Variants in PUS10 observed in about 807,000 individuals in gnomAD.
The protein encoded by PUS10 is tRNA pseudouridine synthase Pus10.
PUS10 carries 59 observed loss-of-function variants against 75.0 expected under a neutral mutation model. That is an observed-to-expected ratio of 0.79 (90% CI 0.64 to 0.98). PUS10 has a LOEUF of 0.98. PUS10 is among the 50% of genes least tolerant of loss of function. The pLI, the probability that PUS10 is intolerant of heterozygous loss-of-function variation, is 0.00. For missense variants in PUS10, 650 were observed against 614.4 expected, an observed-to-expected ratio of 1.06 and a Z score of -0.61; for synonymous variants, 219 against 211.6, an observed-to-expected ratio of 1.03 and a Z score of -0.30.
At position 60,947,701 on chromosome 2, in the gene PUS10, C is replaced by T. The variant is rs568835190; in HGVS notation, c.1451+342G>A. ...AAAATTAGTCAGGCGTGGTGGCAGG[C>T]GCCTGTAGTCCCAGCTACTCGGGAG... On this transcript the variant is annotated intron_variant, in intron 16 of 17. Transcript: ENST00000316752. Among the ~76,000 whole-genome samples the T allele has an allele frequency of 7.6e-4, 116 of 151,732 alleles. 1 individual carries two copies. Among genetic ancestry groups the T allele is most frequent in the Admixed American group, 3.2e-3 (49 of 15,256 alleles).
intron 4 of PUS10, among the ~76,000 whole-genome samples, chr2:61,001,386 C>A (rs1678847932): frequency 6.6e-6 from 1 of 152,050 alleles, no homozygotes; most frequent in African/African-American, 2.4e-5. Context: ...AAATGATTCT[C>A]CTGCCTCAGC....
intron 4 of PUS10, among the ~76,000 whole-genome samples, chr2:60,979,368 G>T (rs1573452939): frequency 6.6e-6 from 1 of 152,084 alleles, no homozygotes; most frequent in South Asian, 2.1e-4. Context: ...GTGCCTCACC[G>T]TGTGTCAGGG....
At chr2:60,977,515 T>G (rs1053904622) in intron 4 of PUS10, among the ~76,000 whole-genome samples, 7 of 152,236 alleles carry the variant, frequency 4.6e-5, no homozygotes, top group Non-Finnish European at 1.5e-5. Context: ...TATTTGAATC[T>G]TCTATAATTC....
intron 3 of PUS10, among the ~76,000 whole-genome samples, chr2:61,007,210 CTTTTGTT>C (rs1679268527): frequency 6.8e-6 from 1 of 146,254 alleles, no homozygotes; most frequent in African/African-American, 2.7e-5. Context: ...GAAGAGTAGG[CTTTTGTT>C]TTTTTTTTTT....
intron 4 of PUS10, among the ~76,000 whole-genome samples, chr2:61,000,119 C>T (rs1157655974): frequency 4.6e-5 from 7 of 152,094 alleles, no homozygotes; most frequent in South Asian, 4.1e-4. Flanking sequence ...ACCCTAATGA[C>T]GTGAAATCTC....
intron 15 of PUS10, 71 bp from the exon 16 acceptor site, chr2:60,948,256 C>A: frequency 6.9e-7 from 1 of 1,455,564 alleles, no homozygotes; most frequent in Non-Finnish European, 9.6e-7. Flanking sequence ...CTTAGCCCTT[C>A]CCTCACCATC....
chr2:60,997,877 G>A (rs1250406425), intron 4 of PUS10, among the ~76,000 whole-genome samples: 1 of 152,172 alleles, frequency 6.6e-6, no homozygotes, highest in Non-Finnish European at 1.5e-5. Context: ...ATTGAATGAA[G>A]TGGACCTTGG....
At chr2:61,004,326 A>G (rs1170722653) in intron 4 of PUS10, among the ~76,000 whole-genome samples, 1 of 152,188 alleles carries the variant, frequency 6.6e-6, no homozygotes, top group African/African-American at 2.4e-5. Context: ...AGACGGCAAT[A>G]AAATAAAGTA....
intron 16 of PUS10, among the ~76,000 whole-genome samples, chr2:60,945,381 T>C (rs1376560949): frequency 6.6e-6 from 1 of 152,212 alleles, no homozygotes. Context: ...TGCCAAGGTT[T>C]GGATGTGGAT....
At chr2:60,956,110 A>G (rs1363921675) in intron 11 of PUS10, among the ~76,000 whole-genome samples, 1 of 152,076 alleles carries the variant, frequency 6.6e-6, no homozygotes, top group African/African-American at 2.4e-5. Context: ...AAAAAAATGT[A>G]AGGGGCTTAC....
In PUS10 at chr2:60,953,037, G is replaced by A. The variant is rs573372866; in HGVS notation, c.1268C>T (p.Ala423Val). Reference sequence around the variant, plus strand: ...GAATTCAATGTCTTTCTTCTGTATCGCTTTATTTGTCCAAATTAAGGCACT... The same window carrying A: ...GAATTCAATGTCTTTCTTCTGTATCACTTTATTTGTCCAAATTAAGGCACT... ...TYSALIWTNK[A>V]IQKKDIEFLN... Residue 423 changes from alanine to valine, a missense_variant, in exon 15 of 18, where the codon GCG becomes GTG. Ala to Val is a moderately conservative substitution (Grantham distance 64). Transcript: ENST00000316752. 1.9e-5 allele frequency: 31 copies of A among 1,599,132 alleles called. No homozygotes were observed. The highest frequency in any genetic ancestry group is 5.4e-5 in the African/African-American group (4 of 74,706).
chr2:60,967,392 C>A (rs1021044330), intron 6 of PUS10, 110 bp downstream of exon 6: 1 of 677,238 alleles, frequency 1.5e-6, no homozygotes, highest in Non-Finnish European at 2.6e-6. Flanking sequence ...AAAAATCCTT[C>A]ACTGGATTAT....
intron 4 of PUS10, among the ~76,000 whole-genome samples, chr2:60,982,410 G>A (rs527927763): frequency 6.6e-6 from 1 of 152,124 alleles, no homozygotes; most frequent in African/African-American, 2.4e-5. Flanking sequence ...TTACAGGTGT[G>A]CACCACCACA....
chr2:60,996,178 G>A (rs1003137528), intron 4 of PUS10, among the ~76,000 whole-genome samples: 1 of 152,122 alleles, frequency 6.6e-6, no homozygotes, highest in African/African-American at 2.4e-5. Flanking sequence ...TCGGGGACTG[G>A]GTGCTTTATC....
chr2:60,990,990 G>C (rs1678037773), intron 4 of PUS10, among the ~76,000 whole-genome samples: 1 of 151,930 alleles, frequency 6.6e-6, no homozygotes, highest in African/African-American at 2.4e-5. Flanking sequence ...AAATGATCCT[G>C]AGTTGGCCCC....
In PUS10 at chr2:60,948,165, T is replaced by A; in HGVS notation, c.1329A>T (p.Lys443Asn). 6.2e-7 allele frequency: 1 copy of A among 1,614,092 alleles called. No individual in the cohort carries two copies. Among genetic ancestry groups the A allele is most frequent in the South Asian group, 1.1e-5 (1 of 91,078 alleles). The change falls in exon 16 of 18, where the codon AAA (lysine) becomes AAT (asparagine). Residue 443 changes from lysine to asparagine, a missense_variant. Lys to Asn is a moderately conservative substitution (Grantham distance 94, BLOSUM62 0). Transcript: ENST00000316752. ...TTCGGTGAAGGACGCGCAAAGGTGT[T>A]TTCTGGTCGATTTTTAAGTCCTAGG... ...NDIKDLKIDQ[K>N]TPLRVLHRRP...
intron 15 of PUS10, 29 bp downstream of exon 15, chr2:60,952,968 A>G (rs1675434232): frequency 8.6e-7 from 1 of 1,156,794 alleles, no homozygotes; most frequent in African/African-American, 1.5e-5. Context: ...AGAAAAATGA[A>G]ATAAAAAGAA....
At chr2:61,009,665 C>T (rs1315840166) in intron 2 of PUS10, among the ~76,000 whole-genome samples, 3 of 152,160 alleles carry the variant, frequency 2.0e-5, no homozygotes, top group Admixed American at 6.5e-5. Context: ...TAAAAACCTG[C>T]ATTTCTTTGA....
chr2:61,014,274 A>C (rs1679825234), intron 1 of PUS10, among the ~76,000 whole-genome samples: 1 of 152,082 alleles, frequency 6.6e-6, no homozygotes, highest in Admixed American at 6.6e-5. Flanking sequence ...GCCACTCAGG[A>C]GGCTGAGACA....
Sources: gnomAD v4.1 joint callset for allele counts (sites outside exome capture counted in the v4.1 genomes callset) on GRCh38, gnomAD v4.1.1 for gene constraint, MANE v1.5 for transcripts, NCBI Gene and HGNC (gene_info 2026-07-23, HGNC 2026-07-21) for gene names.